SLC2A9: variants seen among roughly 807,000 people sequenced by gnomAD.
SLC2A9 encodes solute carrier family 2, facilitated glucose transporter member 9.
In SLC2A9, 39 loss-of-function variants were observed where a neutral mutation model predicts 50.6. The ratio of observed to expected loss-of-function variants is 0.77; its 90% CI spans 0.60 to 1.01. SLC2A9 has a LOEUF of 1.01. Among genes scored for constraint, SLC2A9 ranks in the 50% least tolerant of loss-of-function variants. The pLI is 0.00. For synonymous variants in SLC2A9, 324 were observed against 276.9 expected, an observed-to-expected ratio of 1.17 and a Z score of -1.69; for missense variants, 686 against 677.6, an observed-to-expected ratio of 1.01 and a Z score of -0.14.
In SLC2A9 at chr4:9,935,308, G is replaced by A. The variant is rs189701347; in HGVS notation, c.814+6605C>T. On this transcript the variant is annotated intron_variant, in intron 6 of 11. Coordinates refer to ENST00000264784, the MANE Select transcript of SLC2A9 (RefSeq NM_020041.3). ...AAGTGTTCCTATTTCTTACTGGGGG[G>A]TTTTGAGCCCACTTAGTGCTCATTC... Among the ~76,000 whole-genome samples the A allele has an allele frequency of 3.3e-5, 5 of 152,270 alleles. No individual in the cohort carries two copies. In the East Asian group the frequency reaches 9.7e-4, roughly 29 times the overall value.
chr4:9,880,096 A>T (rs1455171215), intron 10 of SLC2A9: 5 of 985,404 alleles, frequency 5.1e-6, no homozygotes, highest in African/African-American at 1.7e-5. Context: ...TCTTCCTGCC[A>T]CACTTTCCCG....
At chr4:9,883,248 G>C (rs569488214) in intron 10 of SLC2A9, among the ~76,000 whole-genome samples, 1 of 152,304 alleles carries the variant, frequency 6.6e-6, no homozygotes, top group South Asian at 2.1e-4. Flanking sequence ...CTGGAATAGA[G>C]TAAGTGATCA....
chr4:9,865,397 G>A (rs1356521904), intron 10 of SLC2A9, among the ~76,000 whole-genome samples: 4 of 152,174 alleles, frequency 2.6e-5, no homozygotes, highest in Admixed American at 2.6e-4. Flanking sequence ...AAACTATCAC[G>A]TGCTCATCCT....
chr4:9,902,538 G>T (rs751962401), intron 8 of SLC2A9, among the ~76,000 whole-genome samples: 1 of 152,198 alleles, frequency 6.6e-6, no homozygotes, highest in Non-Finnish European at 1.5e-5. Flanking sequence ...CAATAGAAAC[G>T]TGTTGTCTCA....
At chr4:9,953,134 A>T (rs7375587) in intron 5 of SLC2A9, among the ~76,000 whole-genome samples, 75,657 of 152,110 alleles carry the variant, frequency 0.5, 20,670 homozygotes, top group African/African-American at 0.72. Context: ...GGAGGTTCGG[A>T]TCGCATCTTG....
At chr4:9,908,531 T>C (rs1447482367) in intron 7 of SLC2A9, among the ~76,000 whole-genome samples, 186 bp from the exon 8 acceptor site, 1 of 148,210 alleles carries the variant, frequency 6.7e-6, no homozygotes, top group Non-Finnish European at 1.5e-5. Context: ...TTTTCCTTAT[T>C]TTATTATTTT....
At chr4:9,943,649 T>C (rs977065089) in intron 5 of SLC2A9, among the ~76,000 whole-genome samples, 1 of 152,194 alleles carries the variant, frequency 6.6e-6, no homozygotes, top group African/African-American at 2.4e-5. Flanking sequence ...ATGAATTTTA[T>C]GATATGTGTG....
chr4:9,972,083 T>C (rs78033592), intron 5 of SLC2A9, among the ~76,000 whole-genome samples: 2,250 of 152,354 alleles, frequency 0.015, 67 homozygotes, highest in African/African-American at 0.05. Context: ...CCTATGCCAA[T>C]TGCAATGCCC....
chr4:10,002,292 G>A (rs1759977811), intron 2 of SLC2A9, among the ~76,000 whole-genome samples: 1 of 152,170 alleles, frequency 6.6e-6, no homozygotes, highest in South Asian at 2.1e-4. Context: ...TACAACTATG[G>A]AAATACAGAA....
chr4:9,879,967 A>C (rs1236827315), intron 10 of SLC2A9: 2 of 985,208 alleles, frequency 2.0e-6, no homozygotes, highest in African/African-American at 3.5e-5. Context: ...TCTTACATCG[A>C]CCTGTTCCTC....
chr4:9,840,774 A>T (rs1727931715), intron 10 of SLC2A9, among the ~76,000 whole-genome samples: 1 of 142,908 alleles, frequency 7.0e-6, no homozygotes, highest in Admixed American at 7.3e-5. Context: ...ACTGCTATAA[A>T]GATATACCTG....
chr4:9,935,651 A>G (rs1330395187), intron 6 of SLC2A9, among the ~76,000 whole-genome samples: 1 of 152,338 alleles, frequency 6.6e-6, no homozygotes, highest in East Asian at 1.9e-4. Flanking sequence ...GCTATGTGGA[A>G]GAACTCAACA....
rs541053211 is a variant in SLC2A9, at chr4:9,891,743, C to T, written c.1114-1032G>A. On this transcript the variant is annotated intron_variant, in intron 8 of 11. Coordinates refer to ENST00000264784, the MANE Select transcript of SLC2A9 (RefSeq NM_020041.3). Reference sequence around the variant, plus strand: ...GGCTTTTCTCAATGAGGCAATCAGGCGAGGCTTCCTGGAGGAGGCAGGAGC... The same window carrying T: ...GGCTTTTCTCAATGAGGCAATCAGGTGAGGCTTCCTGGAGGAGGCAGGAGC... Among the ~76,000 whole-genome samples, 33 of 152,250 alleles carry T rather than the reference C, an allele frequency of 2.2e-4. 1 individual carries two copies. Among genetic ancestry groups the T allele is most frequent in the Admixed American group, 5.9e-4 (9 of 15,298 alleles).
chr4:9,984,214 C>G (rs1756344708), intron 4 of SLC2A9, among the ~76,000 whole-genome samples: 1 of 152,194 alleles, frequency 6.6e-6, no homozygotes, highest in African/African-American at 2.4e-5. Flanking sequence ...AGCAGGGCAA[C>G]AAAAGTAAGT....
chr4:9,775,544 A>G (rs1180230230), downstream of SLC2A9, among the ~76,000 whole-genome samples: 1 of 151,960 alleles, frequency 6.6e-6, no homozygotes, highest in Non-Finnish European at 1.5e-5. Context: ...TGTTTTGACC[A>G]TGGGGGTAGA....
At chr4:9,775,777 A>C (rs1878275), downstream of SLC2A9, among the ~76,000 whole-genome samples, 142,933 of 152,200 alleles carry the variant, frequency 0.94, 67,275 homozygotes, top group Middle Eastern at 0.96. Context: ...AAACCATGAG[A>C]CAATTCAAAC....
intron 7 of SLC2A9, among the ~76,000 whole-genome samples, chr4:9,919,145 C>T (rs1239684035): frequency 2.6e-5 from 4 of 152,170 alleles, no homozygotes; most frequent in African/African-American, 9.7e-5. Flanking sequence ...TTCACTTCCC[C>T]TCTCTACTCT....
At chr4:9,852,869 G>C (rs939349834) in intron 10 of SLC2A9, among the ~76,000 whole-genome samples, 1 of 152,202 alleles carries the variant, frequency 6.6e-6, no homozygotes, top group Non-Finnish European at 1.5e-5. Flanking sequence ...TATTAACCTT[G>C]AATGTAAATG....
At chr4:10,008,763 A>G (rs925503122) in intron 2 of SLC2A9, among the ~76,000 whole-genome samples, 1 of 152,122 alleles carries the variant, frequency 6.6e-6, no homozygotes, top group Non-Finnish European at 1.5e-5. Flanking sequence ...CAGTCACTCA[A>G]TCTCTCCCTT....
Sources: allele counts gnomAD v4.1 joint callset (sites outside exome capture counted in the v4.1 genomes callset), GRCh38; gene constraint gnomAD v4.1.1; transcripts MANE v1.5; gene names NCBI Gene and HGNC (gene_info 2026-07-23, HGNC 2026-07-21).